The following MEA1 variants were observed in gnomAD, a reference collection of about 807,000 sequenced individuals.
The protein encoded by MEA1 is Male-enhanced antigen (H-Y structural gene).
Under a neutral mutation model 21.4 loss-of-function variants are expected in MEA1, and 22 were observed. That is an observed-to-expected ratio of 1.03 (90% CI 0.73 to 1.47). The LOEUF (loss-of-function observed/expected upper bound fraction) is 1.47. Ranked by LOEUF, MEA1 falls within the 40% of genes most tolerant of loss-of-function variation. The pLI is 0.00. For missense variants in MEA1, 233 were observed against 230.5 expected, an observed-to-expected ratio of 1.01 and a Z score of -0.07; for synonymous variants, 91 against 85.5, an observed-to-expected ratio of 1.06 and a Z score of -0.35.
At position 43,012,550 on chromosome 6, in the gene MEA1, G is replaced by C. The variant is rs183141686; in HGVS notation, c.478C>G (p.Arg160Gly). 2 of 1,612,850 alleles carry C rather than the reference G, an allele frequency of 1.2e-6. No individual in the cohort carries two copies. The highest frequency in any genetic ancestry group is 1.3e-5 in the African/African-American group (1 of 74,844). ...LPAPGVPAWA[R>G]EISDAQWEDV... ...TCCCACTGGGCATCCGATATCTCCCGAGCCCAGGCAGGAACCCCTGGCGCA... is the reference window on the plus strand; with the variant it reads ...TCCCACTGGGCATCCGATATCTCCCCAGCCCAGGCAGGAACCCCTGGCGCA... The change falls in exon 4 of 4, where the codon CGG becomes GGG. Residue 160 changes from arginine (R) to glycine (G), a missense_variant. Transcript: ENST00000244711.
Position 43,012,996 on chromosome 6 carries a change from T to A in MEA1, c.336A>T (p.Leu112Phe). The A allele has an allele frequency of 6.2e-7, 1 of 1,614,196 alleles. No individual in the cohort carries two copies. Reference protein sequence around the residue: ...ALGLHLPDPPLESEDEDEEGA... With the variant: ...ALGLHLPDPPFESEDEDEEGA... ...CCTCCTCATCTTCATCTTCACTCTC[T>A]AATGGTGGGTCTGGCAAATGAAGCC... Residue 112 changes from leucine to phenylalanine, a missense_variant, in exon 3 of 4, where the codon TTA (leucine) becomes TTT (phenylalanine). Coordinates refer to ENST00000244711, the MANE Select transcript of MEA1 (RefSeq NM_014623.4).
At chr6:43,013,963 C>T (rs536523633), upstream of MEA1, 5 of 1,439,142 alleles carry the variant, frequency 3.5e-6, no homozygotes, top group South Asian at 6.0e-5. Flanking sequence ...AGTCCTCCAG[C>T]CCCGCCCCAT....
upstream of MEA1, chr6:43,014,703 G>C (rs927925585): frequency 1.1e-5 from 5 of 443,902 alleles, no homozygotes; most frequent in African/African-American, 1.0e-4. Flanking sequence ...ATGCAGAGAG[G>C]GGTATCGTGG....
chr6:43,014,122 T>C, upstream of MEA1: 4 of 1,416,848 alleles, frequency 2.8e-6, no homozygotes, highest in Non-Finnish European at 3.7e-6. Flanking sequence ...CCTACGCCCC[T>C]GCCCACTCCT....
chr6:43,013,034 G>C lies in MEA1; in HGVS notation c.304-6C>G, dbSNP rs1320469286. On this transcript the variant is annotated splice_region_variant and splice_polypyrimidine_tract_variant and intron_variant, in intron 2 of 3. Transcript: ENST00000244711. Reference sequence around the variant, plus strand: ...GGCAAATGAAGCCCCAGGGCCTGCAGAGCCACAGAAGACCGTTTGGGTCTA... The same window carrying C: ...GGCAAATGAAGCCCCAGGGCCTGCACAGCCACAGAAGACCGTTTGGGTCTA... 1.2e-6 allele frequency: 2 copies of C among 1,614,198 alleles called. No individual in the cohort carries two copies. Among genetic ancestry groups the C allele is most frequent in the South Asian group, 2.2e-5 (2 of 91,084 alleles).
chr6:43,011,657 TC>T lies in MEA1; in HGVS notation c.*812del. 1 of 242,002 alleles carries T rather than the reference TC, an allele frequency of 4.1e-6. No homozygotes were observed. The highest frequency in any genetic ancestry group is 8.1e-6 in the Non-Finnish European group (1 of 122,784). 15.0% of individuals were successfully genotyped at this position (242,002 alleles called of 1,614,324 possible). A position where few individuals can be genotyped will look rare whatever the true frequency, so the allele number is the denominator to read the frequency against. ...CATCCTCATTTGAACGCCAGGTATC[TC>T]CCCTCCTCTCTCTCCCCTGCAGAGG... On this transcript the variant is annotated 3_prime_UTR_variant, in exon 4 of 4. Transcript: ENST00000244711.
Position 43,011,531 on chromosome 6 carries a change from A to T in MEA1, c.*939T>A, listed in dbSNP as rs1762350455. The stretch of plus-strand genomic sequence containing the variant: ...CACTAAGATGCTTAGTGCTCAGACA[A>T]CCTGGGGATGCCTGTCCCCTACCTG... On this transcript the variant is annotated 3_prime_UTR_variant, in exon 4 of 4. Coordinates refer to ENST00000244711, the MANE Select transcript of MEA1 (RefSeq NM_014623.4). The T allele has an allele frequency of 1.8e-6, 1 of 546,890 alleles. No individual in the cohort carries two copies. Among genetic ancestry groups the T allele is most frequent in the African/African-American group, 1.9e-5 (1 of 52,914 alleles). The allele number at this position is 546,890 out of a possible 1,614,324, so 33.9% of individuals were successfully genotyped here.
upstream of MEA1, among the ~76,000 whole-genome samples, chr6:43,015,359 A>T (rs1257814163): frequency 6.6e-6 from 1 of 152,108 alleles, no homozygotes; most frequent in Non-Finnish European, 1.5e-5. Context: ...GGCCTCCCTT[A>T]TTTGAGCTGT....
rs1762383611 is a variant in MEA1 at position 43,012,175 on chromosome 6, C to T, written c.*295G>A. Reference sequence around the variant, plus strand: ...GTCCCTTATAGGTACCTTGGAGGGGCCAGGGGCTGAGGAAGGCCGGACCCA... The same window carrying T: ...GTCCCTTATAGGTACCTTGGAGGGGTCAGGGGCTGAGGAAGGCCGGACCCA... On this transcript the variant is annotated 3_prime_UTR_variant, in exon 4 of 4. Transcript: ENST00000244711. 1.8e-6 allele frequency: 2 copies of T among 1,109,416 alleles called. No homozygotes were observed. The highest frequency in any genetic ancestry group is 4.9e-5 in the Admixed American group (1 of 20,450). The allele number at this position is 1,109,416 out of a possible 1,614,324, so 68.7% of individuals were successfully genotyped here. A position where few individuals can be genotyped will look rare whatever the true frequency, so the allele number is the denominator to read the frequency against.
At chr6:43,014,172 C>T (rs1310572884), upstream of MEA1, 9 of 1,408,214 alleles carry the variant, frequency 6.4e-6, no homozygotes, top group Non-Finnish European at 8.3e-6. Flanking sequence ...GACTACAAGT[C>T]CCGAAATGCC....
chr6:43,014,199 G>A (rs2150288657), upstream of MEA1: 1 of 1,342,928 alleles, frequency 7.4e-7, no homozygotes, highest in Non-Finnish European at 9.8e-7. Context: ...ACTTAGCTAC[G>A]ACTGCACGTG....
chr6:43,013,486 C>A (rs1762452379), intron 1 of MEA1, 97 bp from the exon 2 acceptor site: 2 of 1,352,452 alleles, frequency 1.5e-6, no homozygotes, highest in Non-Finnish European at 1.0e-6. Flanking sequence ...GTGCAAAAAA[C>A]CAGCTCCTCC....
At chr6:43,015,498 GA>G (rs775265985), upstream of MEA1, among the ~76,000 whole-genome samples, 1 of 152,170 alleles carries the variant, frequency 6.6e-6, no homozygotes, top group Non-Finnish European at 1.5e-5. Context: ...GGATTTGCCT[GA>G]AAAAACCTCA....
chr6:43,012,894 A>G (rs1345505379), intron 3 of MEA1, 32 bp downstream of exon 3: 1 of 1,577,512 alleles, frequency 6.3e-7, no homozygotes, highest in Non-Finnish European at 8.7e-7. Context: ...TTTCCTTAGT[A>G]ATTATTCCAG....
Position 43,011,278 on chromosome 6 carries a change from GCT to G in MEA1, c.*1190_*1191del. 1 of 1,613,862 alleles carries G rather than the reference GCT, an allele frequency of 6.2e-7. No individual in the cohort carries two copies. The highest frequency in any genetic ancestry group is 1.3e-5 in the African/African-American group (1 of 75,016). Reference sequence around the variant, plus strand: ...AGAGTTCCTAACTGCCAGCCAGGAGGCTCTCTGACCCCTCACGTTCCTACCAC... The same window carrying G: ...AGAGTTCCTAACTGCCAGCCAGGAGGCTCTGACCCCTCACGTTCCTACCAC... On this transcript the variant is annotated 3_prime_UTR_variant, in exon 4 of 4. Transcript: ENST00000244711.
chr6:43,016,125 G>A (rs950910098), upstream of MEA1, among the ~76,000 whole-genome samples: 4 of 151,838 alleles, frequency 2.6e-5, no homozygotes, highest in Non-Finnish European at 4.4e-5. Flanking sequence ...TAGTAGAGAC[G>A]GGTTTCACCA....
upstream of MEA1, chr6:43,014,046 C>G (rs1484867724): frequency 1.3e-5 from 19 of 1,424,362 alleles, no homozygotes; most frequent in Non-Finnish European, 1.6e-5. Context: ...GCCCAAAAAA[C>G]AAAGGACTGC....
At position 43,011,175 on chromosome 6, in the gene MEA1, A is replaced by G. The variant is rs773643940; in HGVS notation, c.*1295T>C. The stretch of plus-strand genomic sequence containing the variant: ...TGCTAAAAGACATCAAGAAGGAGAA[A>G]GTGCTGCTGCGGAGGAAGTCGGAGC... On this transcript the variant is annotated 3_prime_UTR_variant, in exon 4 of 4. Coordinates refer to ENST00000244711, the MANE Select transcript of MEA1 (RefSeq NM_014623.4). The G allele has an allele frequency of 9.3e-6, 15 of 1,614,006 alleles. No homozygotes were observed. In the East Asian group the frequency reaches 2.9e-4, roughly 31 times the overall value.
upstream of MEA1, chr6:43,016,869 G>T: frequency 2.7e-6 from 1 of 366,438 alleles, no homozygotes; most frequent in Non-Finnish European, 5.1e-6. Context: ...TTGTGACCAT[G>T]ATATGCAGAT....
Sources: allele counts gnomAD v4.1 joint callset (sites outside exome capture counted in the v4.1 genomes callset), GRCh38; gene constraint gnomAD v4.1.1; transcripts MANE v1.5; gene names NCBI Gene and HGNC (gene_info 2026-07-23, HGNC 2026-07-21).